ITFG1: variants seen among roughly 807,000 people sequenced by gnomAD.
The protein encoded by ITFG1 is integrin alpha FG-GAP repeat containing 1.
In ITFG1, 34 loss-of-function variants were observed where a neutral mutation model predicts 81.8. The ratio of observed to expected loss-of-function variants is 0.42; its 90% CI spans 0.32 to 0.55. ITFG1 has a LOEUF of 0.55. ITFG1 is among the 20% of genes least tolerant of loss of function. The pLI is 0.17. For missense variants in ITFG1, 672 were observed against 755.4 expected, an observed-to-expected ratio of 0.89 and a Z score of 1.29; for synonymous variants, 285 against 270.6, an observed-to-expected ratio of 1.05 and a Z score of -0.52.
chr16:47,266,750 A>G (rs1966280747), intron 10 of ITFG1, among the ~76,000 whole-genome samples: 1 of 152,230 alleles, frequency 6.6e-6, no homozygotes, highest in Non-Finnish European at 1.5e-5. Context: ...CTTATATGGA[A>G]AAATGTTCAT....
chr16:47,451,348 G>A, intron 5 of ITFG1, 48 bp downstream of exon 5: 1 of 1,012,772 alleles, frequency 9.9e-7, no homozygotes, highest in Non-Finnish European at 1.5e-6. Context: ...GGTTAAAGTA[G>A]AAGCAATATA....
At chr16:47,448,064 G>T (rs1008319961) in intron 5 of ITFG1, 1 of 151,864 alleles carries the variant, frequency 6.6e-6, no homozygotes, top group Non-Finnish European at 1.5e-5. Context: ...TTTTGTTATG[G>T]GTATTAACGC....
intron 14 of ITFG1, among the ~76,000 whole-genome samples, chr16:47,209,704 C>T (rs937650510): frequency 2.0e-5 from 3 of 152,108 alleles, no homozygotes; most frequent in Non-Finnish European, 2.9e-5. Flanking sequence ...ACCATTTCCC[C>T]GTCACCCACA....
At chr16:47,396,783 C>A (rs532152407) in intron 6 of ITFG1, among the ~76,000 whole-genome samples, 10 of 152,106 alleles carry the variant, frequency 6.6e-5, no homozygotes, top group African/African-American at 2.4e-4. Context: ...AAGCATGTAA[C>A]CTAGAGGGAT....
intron 6 of ITFG1, among the ~76,000 whole-genome samples, chr16:47,385,969 A>T (rs1222921775): frequency 6.6e-6 from 1 of 152,240 alleles, no homozygotes; most frequent in African/African-American, 2.4e-5. Context: ...CATACATGAT[A>T]AAACCTTCAT....
intron 5 of ITFG1, among the ~76,000 whole-genome samples, chr16:47,430,193 G>A (rs1191638955): frequency 1.3e-5 from 2 of 151,510 alleles, no homozygotes; most frequent in African/African-American, 4.8e-5. Context: ...AAGTAGCTAG[G>A]ATTATAGGCA....
rs1301906180 is a variant in ITFG1, at chr16:47,461,038, G to A, written c.8C>T (p.Ala3Val). 5.8e-6 allele frequency: 9 copies of A among 1,540,078 alleles called. No homozygotes were observed. Among genetic ancestry groups the A allele is most frequent in the South Asian group, 1.2e-5 (1 of 83,984 alleles). The change falls in exon 1 of 18, where the codon GCG (alanine) becomes GTG (valine). Residue 3 changes from alanine to valine, a missense_variant. By Grantham distance (64) the Ala-to-Val change is moderately conservative. Coordinates refer to ENST00000320640, the MANE Select transcript of ITFG1 (RefSeq NM_030790.5). Reference protein sequence around the residue: MAAAGRLPSSWAL... With the variant: MAVAGRLPSSWAL... The stretch of plus-strand genomic sequence containing the variant: ...CCAGGAGCTCGGGAGCCGGCCCGCC[G>A]CCGCCATGGCAGCCCCTCAGCCCCC...
chr16:47,166,619 T>C (rs1158171121), intron 14 of ITFG1, among the ~76,000 whole-genome samples: 1 of 152,200 alleles, frequency 6.6e-6, no homozygotes, highest in African/African-American at 2.4e-5. Flanking sequence ...TGTATACTTC[T>C]AAAATTATTT....
chr16:47,156,621 T>C (rs1001407543), intron 17 of ITFG1, among the ~76,000 whole-genome samples: 1 of 151,832 alleles, frequency 6.6e-6, no homozygotes, highest in Non-Finnish European at 1.5e-5. Context: ...AAGTGAAAAA[T>C]GTTACCAAGT....
chr16:47,169,541 C>A (rs1322397713), intron 14 of ITFG1, among the ~76,000 whole-genome samples: 1 of 151,790 alleles, frequency 6.6e-6, no homozygotes, highest in Non-Finnish European at 1.5e-5. Context: ...ATCTTGTTCC[C>A]TATAACTTTG....
intron 10 of ITFG1, among the ~76,000 whole-genome samples, chr16:47,301,447 G>A (rs1967075073): frequency 6.6e-6 from 1 of 150,968 alleles, no homozygotes; most frequent in Admixed American, 6.6e-5. Context: ...GCCCAGGCTG[G>A]AGTGCAATGG....
chr16:47,161,588 T>C (rs899642024), intron 16 of ITFG1, 162 bp downstream of exon 16: 1 of 448,606 alleles, frequency 2.2e-6, no homozygotes, highest in Non-Finnish European at 4.1e-6. Flanking sequence ...TGGGACCTTT[T>C]ATGTAAGTAT....
At chr16:47,178,226 A>G (rs1292862787) in intron 14 of ITFG1, among the ~76,000 whole-genome samples, 1 of 152,212 alleles carries the variant, frequency 6.6e-6, no homozygotes, top group Non-Finnish European at 1.5e-5. Context: ...CCTGATGGTA[A>G]AATCTTCTCC....
chr16:47,387,299 A>C (rs1968474649), intron 6 of ITFG1, among the ~76,000 whole-genome samples: 2 of 152,208 alleles, frequency 1.3e-5, no homozygotes, highest in African/African-American at 4.8e-5. Flanking sequence ...CCAGTCACTA[A>C]ACAAATAAGC....
Position 47,365,824 on chromosome 16 carries a change from T to C in ITFG1, c.766A>G (p.Met256Val), listed in dbSNP as rs1377169386. The C allele has an allele frequency of 1.2e-6, 2 of 1,605,892 alleles. No individual in the cohort carries two copies. The highest frequency in any genetic ancestry group is 8.5e-7 in the Non-Finnish European group (1 of 1,173,490). The change falls in exon 8 of 18, where the codon ATG (methionine) becomes GTG (valine). Residue 256 changes from methionine to valine, a missense_variant. By Grantham distance (21) the Met-to-Val change is conservative. Transcript: ENST00000320640. ...AATGCTGACTGTCCAACCACCATCA[T>C]ATTTTGAGGTTTTTCCAATATAGTA... ...VSTILEKPQN[M>V]MVVGQSAFAD...
intron 12 of ITFG1, 92 bp from the exon 13 acceptor site, chr16:47,238,100 A>C (rs1567432076): frequency 1.5e-6 from 1 of 677,016 alleles, no homozygotes; most frequent in African/African-American, 1.9e-5. Flanking sequence ...AATATACTCT[A>C]TTGATTCATA....
At chr16:47,460,770 A>C in intron 1 of ITFG1, 68 bp downstream of exon 1, 1 of 1,543,950 alleles carries the variant, frequency 6.5e-7, no homozygotes, top group Non-Finnish European at 8.9e-7. Flanking sequence ...CCATTGGGCA[A>C]TGGGTTTGGG....
At chr16:47,342,634 A>G (rs1967799397) in intron 8 of ITFG1, among the ~76,000 whole-genome samples, 4 of 152,294 alleles carry the variant, frequency 2.6e-5, no homozygotes, top group Admixed American at 2.6e-4. Flanking sequence ...GAGAATTAAA[A>G]TAAATGTATT....
intron 8 of ITFG1, among the ~76,000 whole-genome samples, chr16:47,352,762 T>G (rs1282518254): frequency 6.6e-6 from 1 of 152,162 alleles, no homozygotes; most frequent in Non-Finnish European, 1.5e-5. Flanking sequence ...TGCACACATA[T>G]GTTTATTGCG....
Sources: allele counts gnomAD v4.1 joint callset (sites outside exome capture counted in the v4.1 genomes callset), GRCh38; gene constraint gnomAD v4.1.1; transcripts MANE v1.5; gene names NCBI Gene and HGNC (gene_info 2026-07-23, HGNC 2026-07-21).